The following LARP4 variants were observed in gnomAD, a reference collection of about 807,000 sequenced individuals.
The protein encoded by LARP4 is La ribonucleoprotein 4, also known as la-related protein 4.
A neutral mutation model predicts 92.9 loss-of-function variants in LARP4; 29 were observed. The observed-to-expected ratio is 0.31, with a 90% confidence interval of 0.23 to 0.43. The LOEUF is 0.43. LARP4 is among the 20% of genes least tolerant of loss of function. The pLI is 1.00. For missense variants in LARP4, 732 were observed against 860.0 expected, an observed-to-expected ratio of 0.85 and a Z score of 1.86; for synonymous variants, 279 against 284.1, an observed-to-expected ratio of 0.98 and a Z score of 0.18.
At chr12:50,448,726 T>C (rs906467025) in intron 8 of LARP4, among the ~76,000 whole-genome samples, 2 of 151,856 alleles carry the variant, frequency 1.3e-5, no homozygotes, top group African/African-American at 4.8e-5. Flanking sequence ...GGTTTCACCA[T>C]GTTGGCCAGG....
At chr12:50,430,291 G>A (rs1949454274) in intron 3 of LARP4, among the ~76,000 whole-genome samples, 1 of 152,158 alleles carries the variant, frequency 6.6e-6, no homozygotes, top group South Asian at 2.1e-4. Context: ...TTGAGCCCAG[G>A]AGGTTGAGGC....
chr12:50,458,142 T>C (rs922430542), intron 10 of LARP4, among the ~76,000 whole-genome samples: 11 of 151,732 alleles, frequency 7.2e-5, no homozygotes, highest in African/African-American at 2.7e-4. Flanking sequence ...TTTTGCCATG[T>C]TGTGCAGGCT....
intron 11 of LARP4, 66 bp from the exon 12 acceptor site, chr12:50,462,516 A>G (rs1266987299): frequency 9.8e-6 from 9 of 917,134 alleles, no homozygotes; most frequent in Non-Finnish European, 1.6e-5. Flanking sequence ...TAGAATGTAT[A>G]TATCTGAAGA....
At chr12:50,405,928 G>A (rs570294206) in intron 1 of LARP4, among the ~76,000 whole-genome samples, 4 of 152,248 alleles carry the variant, frequency 2.6e-5, no homozygotes, top group East Asian at 3.9e-4. Context: ...CTATTAAAAT[G>A]TAAATGCTTT....
chr12:50,465,278 A>G (rs1157860543), intron 12 of LARP4, among the ~76,000 whole-genome samples: 1 of 151,020 alleles, frequency 6.6e-6, no homozygotes, highest in African/African-American at 2.4e-5. Flanking sequence ...AGGCTGAGGC[A>G]GGAGAATCAC....
At chr12:50,410,897 A>T (rs1279636812) in intron 1 of LARP4, among the ~76,000 whole-genome samples, 1 of 152,102 alleles carries the variant, frequency 6.6e-6, no homozygotes, top group Admixed American at 6.6e-5. Context: ...GAATTTTAGG[A>T]TATAAATCCT....
chr12:50,451,479 C>G (rs1953180542), intron 8 of LARP4, among the ~76,000 whole-genome samples: 1 of 152,120 alleles, frequency 6.6e-6, no homozygotes, highest in Non-Finnish European at 1.5e-5. Flanking sequence ...AGGCGGATCA[C>G]CTGAGGTCAG....
chr12:50,465,114 G>C (rs1955971710), intron 12 of LARP4, among the ~76,000 whole-genome samples: 1 of 149,718 alleles, frequency 6.7e-6, no homozygotes, highest in Non-Finnish European at 1.5e-5. Context: ...TCTCACGCCT[G>C]TAATCCCAGC....
intron 1 of LARP4, among the ~76,000 whole-genome samples, chr12:50,406,016 T>G (rs1944768359): frequency 6.6e-6 from 1 of 152,120 alleles, no homozygotes; most frequent in Non-Finnish European, 1.5e-5. Flanking sequence ...ATGCAATGAT[T>G]TTTTTTTCTG....
Position 50,435,537 on chromosome 12 carries a change from C to A in LARP4, c.448C>A (p.Gln150Lys). 1 of 1,589,844 alleles carries A rather than the reference C, an allele frequency of 6.3e-7. No homozygotes were observed. The highest frequency in any genetic ancestry group is 8.6e-7 in the Non-Finnish European group (1 of 1,158,592). ...LYLISQMDSDQFIPIWTVANM... is the reference protein window; with the variant it reads ...LYLISQMDSDKFIPIWTVANM... ...CTTGATATCTCAAATGGATAGTGAT[C>A]AGTTCATCCCAATTTGGACAGTTGC... is the stretch of plus-strand genomic sequence containing the variant. The change falls in exon 5 of 16, where the codon CAG (glutamine) becomes AAG (lysine). Residue 150 changes from glutamine (Q) to lysine (K), a missense_variant. Transcript: ENST00000398473.
intron 10 of LARP4, among the ~76,000 whole-genome samples, chr12:50,456,004 A>G (rs1954162305): frequency 6.6e-6 from 1 of 152,108 alleles, no homozygotes; most frequent in African/African-American, 2.4e-5. Context: ...GTGAGCCGAG[A>G]TCATACCACT....
chr12:50,413,728 A>T (rs922062639), intron 1 of LARP4, among the ~76,000 whole-genome samples: 4 of 152,226 alleles, frequency 2.6e-5, no homozygotes, highest in African/African-American at 7.2e-5. Flanking sequence ...GTTGCAAAAC[A>T]GTGTACAAAG....
At position 50,454,406 on chromosome 12, in the gene LARP4, C is replaced by A. The variant is rs369005701; in HGVS notation, c.1110C>A (p.Phe370Leu). The A allele has an allele frequency of 1.1e-4, 183 of 1,608,382 alleles. No homozygotes were observed. Among genetic ancestry groups the A allele is most frequent in the Non-Finnish European group, 1.5e-4 (175 of 1,177,334 alleles). The change falls in exon 10 of 16, where the codon TTC becomes TTA. Residue 370 changes from phenylalanine to leucine, a missense_variant. Physicochemically the swap from Phe to Leu is conservative, Grantham distance 22. Around this residue, in one of 7 missense-constraint regions of LARP4, gnomAD observed 264 missense variants for 269.5 expected, o/e 0.98. Transcript: ENST00000398473. ...CTGCTATGAATATGGGTCGACCATT[C>A]CAAAAAAATCGGTAAGATAAAAACC... ...NAAAMNMGRP[F>L]QKNRVKPQFR... is the part of the protein sequence containing the mutation.
At chr12:50,446,342 C>T (rs79977728) in intron 8 of LARP4, among the ~76,000 whole-genome samples, 64,870 of 76,276 alleles carry the variant, frequency 0.85, 29,447 homozygotes, top group East Asian at 0.98. Flanking sequence ...TCTCTCTCTC[C>T]CTCTCTCTCT....
chr12:50,451,424 A>G (rs1953168591), intron 8 of LARP4, among the ~76,000 whole-genome samples: 1 of 152,224 alleles, frequency 6.6e-6, no homozygotes, highest in African/African-American at 2.4e-5. Flanking sequence ...GGGTCTGGGC[A>G]TGGTGGCTCA....
At chr12:50,431,525 C>T (rs1383902067) in intron 4 of LARP4, among the ~76,000 whole-genome samples, 1 of 152,044 alleles carries the variant, frequency 6.6e-6, no homozygotes, top group Non-Finnish European at 1.5e-5. Context: ...TCCTTTCAGG[C>T]AAACATTTGG....
chr12:50,416,859 T>C (rs1946884484), intron 1 of LARP4, among the ~76,000 whole-genome samples: 1 of 151,960 alleles, frequency 6.6e-6, no homozygotes, highest in African/African-American at 2.4e-5. Flanking sequence ...CAGCTGTAGC[T>C]TGGGAGCCTG....
chr12:50,424,185 A>G (rs556098034), intron 1 of LARP4, among the ~76,000 whole-genome samples: 106 of 152,342 alleles, frequency 7.0e-4, no homozygotes, highest in Non-Finnish European at 1.4e-3. Context: ...CCTGGGCAAC[A>G]TAATGAAAAC....
At chr12:50,436,638 T>C (rs908139981) in intron 5 of LARP4, among the ~76,000 whole-genome samples, 11 of 152,238 alleles carry the variant, frequency 7.2e-5, no homozygotes, top group African/African-American at 2.4e-4. Context: ...ATTTCTTGAT[T>C]GAAGCTTTAA....
Sources: allele counts gnomAD v4.1 joint callset (sites outside exome capture counted in the v4.1 genomes callset), GRCh38; gene constraint gnomAD v4.1.1; regional missense constraint gnomAD v4.1.1; transcripts MANE v1.5; gene names NCBI Gene and HGNC (gene_info 2026-07-23, HGNC 2026-07-21).